NF1: variants seen among roughly 807,000 people sequenced by gnomAD.
NF1 encodes neurofibromin 1.
NF1 carries 122 observed loss-of-function variants against 325.7 expected under a neutral mutation model. That is an observed-to-expected ratio of 0.37 (90% CI 0.32 to 0.44). The LOEUF (loss-of-function observed/expected upper bound fraction) is 0.44. NF1 is among the 20% of genes least tolerant of loss of function. NF1 has a pLI of 1.00. For missense variants in NF1, 2,140 were observed against 3,415.4 expected, an observed-to-expected ratio of 0.63 and a Z score of 9.31; for synonymous variants, 1,091 against 1,186.0, an observed-to-expected ratio of 0.92 and a Z score of 1.65.
At chr17:31,334,676 T>C (rs1597839590) in intron 39 of NF1, 162 bp from the exon 40 acceptor site, 1 of 633,880 alleles carries the variant, frequency 1.6e-6, no homozygotes, top group South Asian at 2.0e-5. Flanking sequence ...CTGTTCTTTC[T>C]TCGCCTCTAC....
chr17:31,158,785 C>A (rs1246169856), intron 2 of NF1, among the ~76,000 whole-genome samples: 1 of 152,072 alleles, frequency 6.6e-6, no homozygotes, highest in African/African-American at 2.4e-5. Context: ...TTTACTGTTA[C>A]AAGGTTAATG....
At chr17:31,285,554 A>G (rs1429228961) in intron 36 of NF1, among the ~76,000 whole-genome samples, 2 of 152,126 alleles carry the variant, frequency 1.3e-5, no homozygotes, top group Non-Finnish European at 2.9e-5. Context: ...TTTGTTTAAG[A>G]TGAGGTTTTT....
rs567432913 is a variant in NF1, at chr17:31,223,962, A to G, written c.1845+395A>G. Reference sequence around the variant, plus strand: ...ATAGCTTCTGTAATTTAAGAATTCTATTATGGCGTAGATTTGGGAGTACTT... The same window carrying G: ...ATAGCTTCTGTAATTTAAGAATTCTGTTATGGCGTAGATTTGGGAGTACTT... On this transcript the variant is annotated intron_variant, in intron 16 of 57. Coordinates refer to ENST00000358273, the MANE Select transcript of NF1 (RefSeq NM_001042492.3). 3.3e-5 allele frequency among the ~76,000 whole-genome samples: 5 copies of G among 152,300 alleles called. No homozygotes were observed. The East Asian group carries it at 7.7e-4, about 23-fold the overall frequency.
chr17:31,154,028 T>C (rs188838415), intron 1 of NF1, among the ~76,000 whole-genome samples: 9 of 151,814 alleles, frequency 5.9e-5, no homozygotes, highest in African/African-American at 9.7e-5. Flanking sequence ...TTTGTGTTTT[T>C]ACTAGAGAAG....
At chr17:31,137,739 G>C (rs1280357940) in intron 1 of NF1, 1 of 151,518 alleles carries the variant, frequency 6.6e-6, no homozygotes, top group Admixed American at 6.6e-5. Context: ...AAGTACAAAG[G>C]AGATAAATTT....
chr17:31,365,082 T>C (rs2070484744), intron 57 of NF1, among the ~76,000 whole-genome samples: 1 of 151,942 alleles, frequency 6.6e-6, no homozygotes, highest in Non-Finnish European at 1.5e-5. Context: ...GGTGGATTGC[T>C]TGAGACCAGC....
At chr17:31,180,375 A>G (rs1190148964) in intron 5 of NF1, among the ~76,000 whole-genome samples, 1 of 152,230 alleles carries the variant, frequency 6.6e-6, no homozygotes, top group Non-Finnish European at 1.5e-5. Context: ...TCCAACAAGC[A>G]CATCAAAAAG....
Position 31,247,420 on chromosome 17 carries a change from G to C in NF1, c.3975-1564G>C, listed in dbSNP as rs986708877. On this transcript the variant is annotated intron_variant, in intron 29 of 57. Coordinates refer to ENST00000358273, the MANE Select transcript of NF1 (RefSeq NM_001042492.3). ...GAGGGGACATCTAGCAGTTAGAAATGTCAGACTGGATGTGAAATGCAGTTC... is the reference window on the plus strand; with the variant it reads ...GAGGGGACATCTAGCAGTTAGAAATCTCAGACTGGATGTGAAATGCAGTTC... 2.0e-5 allele frequency among the ~76,000 whole-genome samples: 3 copies of C among 152,146 alleles called. No individual in the cohort carries two copies. In the South Asian group the frequency reaches 6.2e-4, roughly 31 times the overall value.
chr17:31,365,933 AT>A (rs1219842483), intron 57 of NF1, among the ~76,000 whole-genome samples: 1,630 of 139,974 alleles, frequency 0.012, 17 homozygotes, highest in African/African-American at 0.032. Context: ...GATCTATTTA[AT>A]TTTTTTTTTT....
intron 1 of NF1, among the ~76,000 whole-genome samples, chr17:31,130,084 G>GTTTTTTTTTT (rs57737463): frequency 3.6e-5 from 5 of 138,428 alleles, no homozygotes; most frequent in African/African-American, 2.9e-5. Context: ...GTTTTTTTTT[G>GTTTTTTTTTT]TTTTTTTTTT....
chr17:31,338,752 C>T lies in NF1; in HGVS notation c.6868C>T (p.Leu2290=), dbSNP rs2151559246. The change falls in exon 46 of 58, where the codon CTG becomes TTG. Residue 2290 remains leucine, a synonymous_variant. Transcript: ENST00000358273. ...KGPDTYNSQV[L]IEATVIALTK... ...ACCTGACACTTACAACAGTCAAGTT[C>T]TGATAGAAGCTACAGTAATAGCACT... 2 of 1,613,346 alleles carry T rather than the reference C, an allele frequency of 1.2e-6. No homozygotes were observed. The highest frequency in any genetic ancestry group is 1.7e-6 in the Non-Finnish European group (2 of 1,179,528).
rs191712027 is a variant in NF1 at position 31,284,304 on chromosome 17, A to C, written c.4835+18965A>C. Among the ~76,000 whole-genome samples, 3 of 151,154 alleles carry C rather than the reference A, an allele frequency of 2.0e-5. No homozygotes were observed. The East Asian group carries it at 5.9e-4, about 29-fold the overall frequency. On this transcript the variant is annotated intron_variant, in intron 36 of 57. Transcript: ENST00000358273. The stretch of plus-strand genomic sequence containing the variant: ...GTTTTGTTTTTTCTTTTTTTTTGAG[A>C]TAAAGTCTCACTATGTCACCCAGCC...
chr17:31,318,374 C>T, intron 36 of NF1: 1 of 1,614,010 alleles, frequency 6.2e-7, no homozygotes, highest in Non-Finnish European at 8.5e-7. Flanking sequence ...GCTGTGAGCA[C>T]TCCAGTAGAT....
chr17:31,139,236 T>A (rs1050795230), intron 1 of NF1, among the ~76,000 whole-genome samples: 1 of 151,968 alleles, frequency 6.6e-6, no homozygotes, highest in African/African-American at 2.4e-5. Context: ...TTAGTAGAGA[T>A]GAGGTTTCAC....
intron 36 of NF1, among the ~76,000 whole-genome samples, chr17:31,290,818 C>G (rs538187294): frequency 6.6e-6 from 1 of 152,052 alleles, no homozygotes; most frequent in African/African-American, 2.4e-5. Flanking sequence ...CCAGCCTGGC[C>G]AACATGGTGA....
At chr17:31,261,925 C>T (rs1343687864) in intron 35 of NF1, 68 bp downstream of exon 35, 1 of 1,497,134 alleles carries the variant, frequency 6.7e-7, no homozygotes, top group Non-Finnish European at 9.3e-7. Flanking sequence ...GCCACCAGGC[C>T]ACTTGTTAGA....
intron 57 of NF1, among the ~76,000 whole-genome samples, chr17:31,371,375 GA>G (rs567678501): frequency 1.3e-5 from 2 of 149,516 alleles, no homozygotes; most frequent in Non-Finnish European, 3.0e-5. Flanking sequence ...AAGGATATGA[GA>G]AAAAAAAATA....
chr17:31,150,769 C>G (rs190056447), intron 1 of NF1, among the ~76,000 whole-genome samples: 2 of 152,072 alleles, frequency 1.3e-5, no homozygotes, highest in Non-Finnish European at 2.9e-5. Context: ...CGGTGGCTCA[C>G]GCCTGTAATC....
At chr17:31,363,500 G>T (rs1395456279) in intron 57 of NF1, among the ~76,000 whole-genome samples, 1 of 146,016 alleles carries the variant, frequency 6.8e-6, no homozygotes, top group Non-Finnish European at 1.5e-5. Flanking sequence ...TCAGTGGTGC[G>T]ATCTCGACTC....
Sources: allele counts gnomAD v4.1 joint callset (sites outside exome capture counted in the v4.1 genomes callset), GRCh38; gene constraint gnomAD v4.1.1; transcripts MANE v1.5; gene names NCBI Gene and HGNC (gene_info 2026-07-23, HGNC 2026-07-21).